Variants in TRPM5 observed in about 807,000 individuals in gnomAD.
The protein encoded by TRPM5 is transient receptor potential cation channel subfamily M member 5, also known as MLSN1 and TRP-related.
In TRPM5, 121 loss-of-function variants were observed where a neutral mutation model predicts 124.9. The observed-to-expected ratio is 0.97, with a 90% CI of 0.84 to 1.13. The LOEUF (loss-of-function observed/expected upper bound fraction) is 1.13. Ranked by LOEUF, TRPM5 falls within the 50% of genes most tolerant of loss-of-function variation. TRPM5 has a pLI of 0.00. For missense variants in TRPM5, 1,643 were observed against 1,589.1 expected, an observed-to-expected ratio of 1.03 and a Z score of -0.58; for synonymous variants, 781 against 700.5, an observed-to-expected ratio of 1.11 and a Z score of -1.81.
chr11:2,440,649 G>GT, the TRPM5 span, among the ~76,000 whole-genome samples: 7 of 151,964 alleles, frequency 4.6e-5, no homozygotes, highest in South Asian at 4.2e-4. The surrounding 1 kb of genome is among the most constrained non-coding windows in gnomAD (Gnocchi z 5.2). Context: ...TGCCCCCTTC[G>GT]TTTTTTTTGT....
the TRPM5 span, among the ~76,000 whole-genome samples, chr11:2,435,675 G>C: frequency 6.7e-6 from 1 of 150,326 alleles, no homozygotes; most frequent in Non-Finnish European, 1.5e-5. The surrounding 1 kb of genome is among the most constrained non-coding windows in gnomAD (Gnocchi z 4.1). Context: ...ATCTGTCCAT[G>C]TGCATCTGTC....
At chr11:2,405,177 G>T in intron 23 of TRPM5, 134 bp from the exon 29 acceptor site, 1 of 702,742 alleles carries the variant, frequency 1.4e-6, no homozygotes, top group Non-Finnish European at 2.4e-6. Flanking sequence ...CCAGCCTGGG[G>T]AAGATGGGGA....
chr11:2,440,659 T>C, the TRPM5 span, among the ~76,000 whole-genome samples: 1 of 152,128 alleles, frequency 6.6e-6, no homozygotes, highest in Non-Finnish European at 1.5e-5. This position sits in a 1 kb window ranked among gnomAD's most constrained non-coding sequence, Gnocchi z 5.2. Flanking sequence ...GTTTTTTTTG[T>C]CCCACCACTA....
chr11:2,414,013 G>GCCCCCCC, intron 12 of TRPM5, 48 bp downstream of exon 17: 1 of 625,670 alleles, frequency 1.6e-6, no homozygotes, highest in Non-Finnish European at 2.4e-6. Context: ...CAGCTCGCCC[G>GCCCCCCC]CCCACCCCAC....
At chr11:2,407,824 G>C in exon 19 of TRPM5, 1 of 1,613,974 alleles carries the variant, frequency 6.2e-7, no homozygotes, top group Non-Finnish European at 8.5e-7. Flanking sequence ...TGACCAGCAG[G>C]AGGATGACCA....
At chr11:2,434,781 G>A in the TRPM5 span, among the ~76,000 whole-genome samples, 3 of 152,096 alleles carry the variant, frequency 2.0e-5, no homozygotes, top group African/African-American at 7.2e-5. Flanking sequence ...TGCAGCTGGA[G>A]CTTCAAAGTG....
chr11:2,410,576 G>C, intron 18 of TRPM5: 1 of 401,764 alleles, frequency 2.5e-6, no homozygotes, highest in South Asian at 1.8e-5. Flanking sequence ...CCATCCCAGG[G>C]GCCTGCACAG....
chr11:2,413,393 C>G (rs1483345292), intron 13 of TRPM5, 83 bp downstream of exon 18: 1 of 1,383,024 alleles, frequency 7.2e-7, no homozygotes, highest in African/African-American at 1.4e-5. Flanking sequence ...ACCACCAGCA[C>G]CTGCGAGGCC....
Position 2,413,534 on chromosome 11 carries a change from G to T in TRPM5, c.1945C>A (p.Arg649=), listed in dbSNP as rs199652090. ...GGGCAGAGGAAGGCTCCTAGCAGCCGCAGGATGGGCGTGCCTGCGGCCATG... is the reference window on the plus strand; with the variant it reads ...GGGCAGAGGAAGGCTCCTAGCAGCCTCAGGATGGGCGTGCCTGCGGCCATG... The change falls in exon 13 of 24, where the codon CGG becomes AGG. Residue 649 remains arginine (R), a synonymous_variant. Coordinates refer to ENST00000155858, the Ensembl canonical transcript of TRPM5. 1.8e-5 allele frequency: 29 copies of T among 1,612,472 alleles called. No homozygotes were observed. In the East Asian group the frequency reaches 5.8e-4, roughly 32 times the overall value.
At position 2,413,934 on chromosome 11, in the gene TRPM5, C is replaced by CG. The variant is rs1471609785; in HGVS notation, c.1890+126dup. 1.5e-5 allele frequency: 20 copies of CG among 1,329,888 alleles called. No homozygotes were observed. The Admixed American group carries it at 3.9e-4, about 26-fold the overall frequency. 82.4% of individuals were successfully genotyped at this position (1,329,888 alleles called of 1,614,324 possible). A position where few individuals can be genotyped will look rare whatever the true frequency, so the allele number is the denominator to read the frequency against. ...CCTTCCAGGAACAGAAGCCCCACCC[C>CG]GCCCCCTCTGTGCTGAGGACGGGAG... On this transcript the variant is annotated intron_variant, in intron 12 of 23. Transcript: ENST00000155858.
At chr11:2,437,269 G>A in the TRPM5 span, among the ~76,000 whole-genome samples, 2 of 152,236 alleles carry the variant, frequency 1.3e-5, no homozygotes, top group Non-Finnish European at 2.9e-5. This position sits in a 1 kb window ranked among gnomAD's most constrained non-coding sequence, Gnocchi z 5.6. Flanking sequence ...AAGAGGAGGA[G>A]GTGGGGTACA....
chr11:2,410,775 A>T (rs1850429903), intron 18 of TRPM5: 1 of 424,588 alleles, frequency 2.4e-6, no homozygotes, highest in African/African-American at 2.1e-5. Flanking sequence ...CCACACACAC[A>T]CATTGGGGTG....
intron 12 of TRPM5, 47 bp downstream of exon 17, chr11:2,414,014 C>CCCCCCCCCCCCCCCCCCCCCCACCA: frequency 3.8e-6 from 2 of 533,206 alleles, no homozygotes; most frequent in Non-Finnish European, 6.9e-6. Context: ...AGCTCGCCCG[C>CCCCCCCCCCCCCCCCCCCCCCACCA]CCACCCCACC....
intron 18 of TRPM5, among the ~76,000 whole-genome samples, chr11:2,410,449 T>C (rs1589867713): frequency 6.6e-6 from 1 of 152,246 alleles, no homozygotes; most frequent in East Asian, 1.9e-4. Context: ...GCACCTTCTC[T>C]GCCGGGTCTC....
rs754954420 is a variant in TRPM5 at position 2,407,981 on chromosome 11, C to G, written c.2783-69G>C. On this transcript the variant is annotated intron_variant, in intron 18 of 23. Coordinates refer to ENST00000155858, the Ensembl canonical transcript of TRPM5. ...CAAGGGCGGCCTTAGGCAAATGCCC[C>G]GAGATAGAGCGCTGAGTCCTGGTGT... is the stretch of plus-strand genomic sequence containing the variant. 40 of 1,566,922 alleles carry G rather than the reference C, an allele frequency of 2.6e-5. 1 individual carries two copies. Among genetic ancestry groups the G allele is most frequent in the Non-Finnish European group, 3.2e-5 (37 of 1,154,624 alleles).
upstream of TRPM5, among the ~76,000 whole-genome samples, chr11:2,427,742 C>G (rs1845850203): frequency 6.6e-6 from 1 of 152,246 alleles, no homozygotes; most frequent in Non-Finnish European, 1.5e-5. Flanking sequence ...ACCGATGCAG[C>G]TGAAATCCAC....
the TRPM5 span, among the ~76,000 whole-genome samples, chr11:2,443,971 G>C: frequency 1.3e-5 from 2 of 152,206 alleles, no homozygotes; most frequent in South Asian, 2.1e-4. The surrounding 1 kb of genome is among the most constrained non-coding windows in gnomAD (Gnocchi z 5.0). Flanking sequence ...GGTCTCGACG[G>C]TGGGGAGGAC....
At chr11:2,424,215 T>C (rs968152623), upstream of TRPM5, among the ~76,000 whole-genome samples, 2 of 152,228 alleles carry the variant, frequency 1.3e-5, no homozygotes, top group Non-Finnish European at 2.9e-5. Context: ...AATGGACCGT[T>C]CTGTAAAAAC....
exon 1 of TRPM5, chr11:2,423,026 A>C: frequency 6.2e-7 from 1 of 1,611,526 alleles, no homozygotes; most frequent in Non-Finnish European, 8.5e-7. Context: ...GGGGCCTTGG[A>C]CATCCTGCAT....
Sources: gnomAD v4.1 joint callset for allele counts (sites outside exome capture counted in the v4.1 genomes callset) on GRCh38, gnomAD v4.1.1 for gene constraint, Gnocchi (gnomAD v3.1) non-coding constraint, MANE v1.5 for transcripts, NCBI Gene and HGNC (gene_info 2026-07-23, HGNC 2026-07-21) for gene names.